The following DLG2 variants were observed in gnomAD, a reference collection of about 807,000 sequenced individuals.
DLG2 encodes the protein disks large homolog 2.
A neutral mutation model predicts 132.5 loss-of-function variants in DLG2; 45 were observed. That is an observed-to-expected ratio of 0.34 (90% confidence interval 0.27 to 0.44). The LOEUF (loss-of-function observed/expected upper bound fraction) is 0.44. Ranked by LOEUF, DLG2 falls within the 20% of genes least tolerant of loss-of-function variation. DLG2 has a pLI of 1.00. For synonymous variants in DLG2, 424 were observed against 419.6 expected (o/e 1.01, Z -0.13); for missense variants, 1,045 against 1,196.9 (o/e 0.87, Z 1.87).
rs1027516507 is a variant in DLG2 at position 84,891,885 on chromosome 11, T to TA, written c.357+219775dup. Among the ~76,000 whole-genome samples, 3 of 152,222 alleles carry TA rather than the reference T, an allele frequency of 2.0e-5. No individual in the cohort carries two copies. The East Asian group carries it at 5.8e-4, about 29-fold the overall frequency. ...TCTATATTAAAAGTCAGATGAGGGA[T>TA]AAAAAAATAGGATGCACCATTTATT... is the stretch of plus-strand genomic sequence containing the variant. On this transcript the variant is annotated intron_variant, in intron 6 of 27. Coordinates refer to ENST00000376104, the MANE Select transcript of DLG2 (RefSeq NM_001142699.3).
intron 7 of DLG2, among the ~76,000 whole-genome samples, chr11:84,441,080 CATATTTGATATGT>C (rs1276717578): frequency 6.6e-6 from 1 of 151,686 alleles, no homozygotes; most frequent in Admixed American, 6.6e-5. Flanking sequence ...GGTTTGTTTG[CATATTTGATATGT>C]ATATTTGATA....
chr11:83,660,861 CT>C (rs2074076384), intron 18 of DLG2, among the ~76,000 whole-genome samples: 1 of 152,042 alleles, frequency 6.6e-6, no homozygotes, highest in Admixed American at 6.6e-5. Context: ...TGTCCCTCAT[CT>C]CATCTCTCCC....
intron 3 of DLG2, among the ~76,000 whole-genome samples, chr11:85,307,369 T>A (rs2080024234): frequency 6.6e-6 from 1 of 151,930 alleles, no homozygotes; most frequent in Non-Finnish European, 1.5e-5. Flanking sequence ...CTGTAAGCGG[T>A]GGGAAAAAAA....
intron 8 of DLG2, among the ~76,000 whole-genome samples, chr11:84,210,180 G>A (rs1349923642): frequency 6.6e-6 from 1 of 151,910 alleles, no homozygotes; most frequent in African/African-American, 2.4e-5. Flanking sequence ...CTACTCAGGA[G>A]GCTGAGGCAG....
chr11:85,351,580 G>A (rs900507181), intron 3 of DLG2, among the ~76,000 whole-genome samples: 15 of 152,118 alleles, frequency 9.9e-5, no homozygotes, highest in East Asian at 1.9e-4. Context: ...TTTGAGATAC[G>A]TTCCATCAGT....
intron 7 of DLG2, among the ~76,000 whole-genome samples, chr11:84,335,151 T>A (rs970379696): frequency 4.5e-4 from 4 of 8,986 alleles, no homozygotes; most frequent in East Asian, 2.1e-3. Flanking sequence ...AAGCAAGCAA[T>A]AAAGAAAGCA....
chr11:83,774,946 T>G (rs2094527505), intron 18 of DLG2, among the ~76,000 whole-genome samples: 1 of 152,080 alleles, frequency 6.6e-6, no homozygotes, highest in Non-Finnish European at 1.5e-5. Context: ...TTATGACAGC[T>G]TGGGGCCAAA....
intron 6 of DLG2, among the ~76,000 whole-genome samples, chr11:85,013,439 G>C (rs921690788): frequency 4.0e-4 from 61 of 152,220 alleles, no homozygotes; most frequent in African/African-American, 1.4e-3. Context: ...CAGCTAGAAA[G>C]ATAAATAACG....
chr11:84,795,164 A>G (rs192142829), intron 6 of DLG2, among the ~76,000 whole-genome samples: 91 of 152,180 alleles, frequency 6.0e-4, no homozygotes, highest in Non-Finnish European at 7.8e-4. Context: ...AAAACCCCAG[A>G]CTTCGCCGGA....
intron 4 of DLG2, among the ~76,000 whole-genome samples, chr11:85,193,252 C>A (rs1178567581): frequency 6.6e-6 from 1 of 152,156 alleles, no homozygotes; most frequent in Non-Finnish European, 1.5e-5. Context: ...CAGCAGCACA[C>A]GCTTTTTATG....
chr11:85,323,694 A>G (rs1380453474), intron 3 of DLG2, among the ~76,000 whole-genome samples: 1 of 151,854 alleles, frequency 6.6e-6, no homozygotes, highest in Admixed American at 6.6e-5. Flanking sequence ...GCATCATACT[A>G]CTCTCTACCT....
intron 6 of DLG2, among the ~76,000 whole-genome samples, chr11:84,636,947 AT>A (rs372992040): frequency 0.22 from 31,550 of 146,182 alleles, 3,695 homozygotes; most frequent in African/African-American, 0.33. Flanking sequence ...ACACCTGCTA[AT>A]TTTTTTTTTT....
chr11:84,291,180 T>A (rs570866443), intron 7 of DLG2, among the ~76,000 whole-genome samples: 92 of 152,258 alleles, frequency 6.0e-4, no homozygotes, highest in African/African-American at 2.1e-3. Context: ...TTATTACATA[T>A]GACTGACCAT....
At chr11:85,613,830 C>A (rs1343457620) in intron 2 of DLG2, among the ~76,000 whole-genome samples, 2 of 152,230 alleles carry the variant, frequency 1.3e-5, no homozygotes, top group African/African-American at 4.8e-5. Context: ...TGCAATAAAT[C>A]TTGCTGCTGC....
At chr11:84,534,787 ATAGAC>A (rs746223861) in intron 6 of DLG2, 56 bp from the exon 7 acceptor site, 400 of 1,580,700 alleles carry the variant, frequency 2.5e-4, no homozygotes, top group Non-Finnish European at 3.2e-4. Flanking sequence ...TGTAAAGGAT[ATAGAC>A]TGAACTTCAT....
intron 19 of DLG2, among the ~76,000 whole-genome samples, chr11:83,545,763 T>C (rs192866148): frequency 3.9e-5 from 6 of 152,210 alleles, no homozygotes; most frequent in African/African-American, 1.2e-4. Context: ...ACGAGCTCTA[T>C]TGATCTTGGA....
intron 6 of DLG2, among the ~76,000 whole-genome samples, chr11:84,693,619 G>T (rs1157030624): frequency 6.6e-6 from 1 of 151,674 alleles, no homozygotes. Flanking sequence ...CACAGTAAAA[G>T]AACTCCATTG....
chr11:84,532,223 C>T (rs1216821248), intron 7 of DLG2, among the ~76,000 whole-genome samples: 1 of 148,116 alleles, frequency 6.8e-6, no homozygotes, highest in East Asian at 2.0e-4. Context: ...TTTTTGAATC[C>T]CAGAAGTAAC....
chr11:84,880,409 T>A (rs945722344), intron 6 of DLG2, among the ~76,000 whole-genome samples: 3 of 152,162 alleles, frequency 2.0e-5, no homozygotes, highest in Non-Finnish European at 2.9e-5. Context: ...TCAGTCACCA[T>A]ACACCTAGCA....
Sources: allele counts gnomAD v4.1 joint callset (sites outside exome capture counted in the v4.1 genomes callset), GRCh38; gene constraint gnomAD v4.1.1; transcripts MANE v1.5; gene names NCBI Gene and HGNC (gene_info 2026-07-23, HGNC 2026-07-21).